GABRB1: variants seen among roughly 807,000 people sequenced by gnomAD.
GABRB1 encodes gamma-aminobutyric acid receptor subunit beta-1.
A neutral mutation model predicts 51.6 loss-of-function variants in GABRB1; 17 were observed. That is an observed-to-expected ratio of 0.33 (90% CI 0.23 to 0.49). The LOEUF (loss-of-function observed/expected upper bound fraction) is 0.49, where lower values mean the gene tolerates loss of function less well. Ranked by LOEUF, GABRB1 falls within the 20% of genes least tolerant of loss-of-function variation. GABRB1 has a pLI of 0.99. For missense variants in GABRB1, 410 were observed against 600.6 expected (o/e 0.68, Z 3.32); for synonymous variants, 247 against 218.9 (o/e 1.13, Z -1.14).
intron 4 of GABRB1, among the ~76,000 whole-genome samples, chr4:47,246,252 T>C (rs1311072173): frequency 1.5e-5 from 2 of 134,680 alleles, no homozygotes; most frequent in East Asian, 4.4e-4. Context: ...AATTCATTCC[T>C]TCTCAGGGCT....
At chr4:47,407,411 A>C (rs1728612934) in intron 8 of GABRB1, among the ~76,000 whole-genome samples, 1 of 152,154 alleles carries the variant, frequency 6.6e-6, no homozygotes, top group South Asian at 2.1e-4. Context: ...CATAAAATGG[A>C]GATTATTATA....
chr4:47,415,323 A>T (rs1007138234), intron 8 of GABRB1, among the ~76,000 whole-genome samples: 8 of 152,126 alleles, frequency 5.3e-5, no homozygotes, highest in Non-Finnish European at 1.5e-5. Context: ...TGTCAGAAGT[A>T]TCTCTCTTCA....
chr4:47,275,450 C>T (rs909892474), intron 4 of GABRB1, among the ~76,000 whole-genome samples: 9 of 152,238 alleles, frequency 5.9e-5, no homozygotes, highest in South Asian at 2.1e-4. Flanking sequence ...CACAACCTCT[C>T]TGAGCCATGG....
chr4:47,370,919 TA>T (rs1430862195), intron 5 of GABRB1, among the ~76,000 whole-genome samples: 1 of 107,044 alleles, frequency 9.3e-6, no homozygotes, highest in Admixed American at 8.4e-5. Context: ...GCTACCACTT[TA>T]TTTTTTTTTT....
At chr4:47,106,472 G>A (rs1219284997) in intron 3 of GABRB1, among the ~76,000 whole-genome samples, 2 of 152,014 alleles carry the variant, frequency 1.3e-5, no homozygotes, top group Admixed American at 6.6e-5. Flanking sequence ...GTTAACTTAA[G>A]CTTCATTATA....
At chr4:47,028,272 T>A (rs1305878488), upstream of GABRB1, among the ~76,000 whole-genome samples, 1 of 151,744 alleles carries the variant, frequency 6.6e-6, no homozygotes, top group Non-Finnish European at 1.5e-5. Flanking sequence ...AATAAGCACA[T>A]CATAAAGAAT....
At chr4:47,159,365 G>C (rs1000920681) in intron 3 of GABRB1, among the ~76,000 whole-genome samples, 2 of 152,066 alleles carry the variant, frequency 1.3e-5, no homozygotes, top group African/African-American at 4.8e-5. Flanking sequence ...CTTACATGTG[G>C]TAGAGCTTAA....
Position 47,113,803 on chromosome 4 carries a change from A to G in GABRB1, c.241-47446A>G, listed in dbSNP as rs548705365. On this transcript the variant is annotated intron_variant, in intron 3 of 8. Transcript: ENST00000295454. ...TTCACCAATAAATCCAAATTTACCAAATATTTTCTATTTTTCAATTTATTC... is the reference window on the plus strand; with the variant it reads ...TTCACCAATAAATCCAAATTTACCAGATATTTTCTATTTTTCAATTTATTC... Among the ~76,000 whole-genome samples the G allele has an allele frequency of 3.3e-5, 5 of 152,312 alleles. No homozygotes were observed. In the South Asian group the frequency reaches 8.3e-4, roughly 25 times the overall value.
chr4:47,077,131 G>T (rs1727590694), intron 3 of GABRB1, among the ~76,000 whole-genome samples: 2 of 152,116 alleles, frequency 1.3e-5, no homozygotes, highest in Admixed American at 1.3e-4. Flanking sequence ...CATGACAAAA[G>T]ATTTGTTCCA....
At chr4:47,410,711 G>A (rs1560374509) in intron 8 of GABRB1, among the ~76,000 whole-genome samples, 1 of 152,318 alleles carries the variant, frequency 6.6e-6, no homozygotes, top group East Asian at 1.9e-4. Flanking sequence ...CTGGGGGAAA[G>A]AAAAATGAAC....
intron 1 of GABRB1, among the ~76,000 whole-genome samples, chr4:47,002,855 G>A (rs950528739): frequency 1.3e-5 from 2 of 152,166 alleles, no homozygotes; most frequent in Admixed American, 1.3e-4. Context: ...TTTTAAGAGA[G>A]AGTTAAAGGG....
chr4:47,333,188 TTTTATTTATATATATATA>T (rs1305224448), intron 5 of GABRB1, among the ~76,000 whole-genome samples: 2 of 64,874 alleles, frequency 3.1e-5, no homozygotes, highest in South Asian at 6.1e-4. Flanking sequence ...TTAAAACCCA[TTTTATTTATATATATATA>T]TATATATATA....
At chr4:47,231,293 T>C (rs1195026600) in intron 4 of GABRB1, among the ~76,000 whole-genome samples, 1 of 152,204 alleles carries the variant, frequency 6.6e-6, no homozygotes, top group African/African-American at 2.4e-5. Context: ...TGTCAGCAAA[T>C]AGAAATGTTG....
intron 4 of GABRB1, among the ~76,000 whole-genome samples, chr4:47,300,765 C>T (rs1415572833): frequency 6.6e-6 from 1 of 152,068 alleles, no homozygotes; most frequent in African/African-American, 2.4e-5. Flanking sequence ...TAATAGTAAA[C>T]ATTGAAACCC....
chr4:47,189,162 AAAAG>A (rs1719323421), intron 4 of GABRB1, among the ~76,000 whole-genome samples: 1 of 151,878 alleles, frequency 6.6e-6, no homozygotes, highest in Non-Finnish European at 1.5e-5. Flanking sequence ...GTGACGTCTA[AAAAG>A]TTACCAAAAA....
chr4:47,246,603 C>T (rs1721770984), intron 4 of GABRB1, among the ~76,000 whole-genome samples: 1 of 151,180 alleles, frequency 6.6e-6, no homozygotes, highest in Non-Finnish European at 1.5e-5. Flanking sequence ...GGAATCTTCA[C>T]ACTGTTTTCC....
At chr4:47,117,730 T>C (rs1358359328) in intron 3 of GABRB1, among the ~76,000 whole-genome samples, 1 of 152,224 alleles carries the variant, frequency 6.6e-6, no homozygotes, top group Non-Finnish European at 1.5e-5. Flanking sequence ...AATTTCAAAA[T>C]ATCTTTTTAT....
intron 4 of GABRB1, among the ~76,000 whole-genome samples, chr4:47,188,194 C>T (rs1039404373): frequency 6.6e-6 from 1 of 151,866 alleles, no homozygotes; most frequent in African/African-American, 2.4e-5. Context: ...TTAATAAATA[C>T]GTATGGTACA....
At position 47,426,204 on chromosome 4, in the gene GABRB1, AT is replaced by A; in HGVS notation, c.*188del. On this transcript the variant is annotated 3_prime_UTR_variant, in exon 9 of 9. Transcript: ENST00000295454. ...TTCAAAAAGACAAAACAAAAAAAAA[AT>A]TATTTTTCCAGTCTACCGTGGTCCA... The A allele has an allele frequency of 2.1e-6, 1 of 481,992 alleles. No individual in the cohort carries two copies. Among genetic ancestry groups the A allele is most frequent in the Non-Finnish European group, 3.6e-6 (1 of 278,998 alleles). 29.9% of individuals were successfully genotyped at this position (481,992 alleles called of 1,614,324 possible).
Sources: allele counts gnomAD v4.1 joint callset (sites outside exome capture counted in the v4.1 genomes callset), GRCh38; gene constraint gnomAD v4.1.1; transcripts MANE v1.5; gene names NCBI Gene and HGNC (gene_info 2026-07-23, HGNC 2026-07-21).